ABL2: variants seen among roughly 807,000 people sequenced by gnomAD.
ABL2 encodes the protein ABL proto-oncogene 2, non-receptor tyrosine kinase, also known as tyrosine-protein kinase ABL2.
ABL2 carries 49 observed loss-of-function variants against 107.7 expected under a neutral mutation model. The observed-to-expected ratio is 0.45, with a 90% CI of 0.36 to 0.58. ABL2 has a LOEUF of 0.58. Ranked by LOEUF, ABL2 falls within the 20% of genes least tolerant of loss-of-function variation. The pLI is 0.00. For synonymous variants in ABL2, 549 were observed against 548.6 expected (o/e 1.00, Z -0.01); for missense variants, 1,245 against 1,457.0 (o/e 0.85, Z 2.37).
At chr1:179,110,692 G>A (rs371806969) in intron 10 of ABL2, 31 of 1,588,972 alleles carry the variant, frequency 2.0e-5, no homozygotes, top group African/African-American at 1.9e-4. Context: ...GCATGCCAAC[G>A]TGTGAATATA....
chr1:179,215,222 G>A (rs1247410060), intron 1 of ABL2, among the ~76,000 whole-genome samples: 4 of 151,732 alleles, frequency 2.6e-5, no homozygotes, highest in South Asian at 2.1e-4. Context: ...AACGGCAAGA[G>A]AAGTGTTAAT....
At chr1:179,143,041 C>A in intron 1 of ABL2, 1 of 1,613,940 alleles carries the variant, frequency 6.2e-7, no homozygotes, top group East Asian at 2.2e-5. Flanking sequence ...GTCCCAAGGA[C>A]CATACCTCTG....
intron 1 of ABL2, among the ~76,000 whole-genome samples, chr1:179,217,729 C>A (rs1383016833): frequency 6.6e-6 from 1 of 152,086 alleles, no homozygotes; most frequent in African/African-American, 2.4e-5. Flanking sequence ...TGAGTTCCCA[C>A]CTCTCCTTCA....
chr1:179,229,628 CCCAACGCCGCCGCCGCCGCCGCCG>C lies in ABL2; in HGVS notation c.-255_-232del, dbSNP rs1456530608. 1.0e-5 allele frequency: 5 copies of C among 481,074 alleles called. No individual in the cohort carries two copies. Among genetic ancestry groups the C allele is most frequent in the Admixed American group, 5.1e-5 (1 of 19,574 alleles). 29.8% of individuals were successfully genotyped at this position (481,074 alleles called of 1,614,324 possible). ...CCTCCTCCTGTCGCGGCTCCGCGCC[CCCAACGCCGCCGCCGCCGCCGCCG>C]CCACCGCCGCCGCCATCTTTAAACC... On this transcript the variant is annotated 5_prime_UTR_variant, in exon 1 of 12. Transcript: ENST00000502732.
intron 1 of ABL2, among the ~76,000 whole-genome samples, chr1:179,155,646 G>A (rs964116387): frequency 3.3e-5 from 5 of 151,244 alleles, no homozygotes; most frequent in Non-Finnish European, 4.4e-5. Flanking sequence ...CACAAGAATC[G>A]CTTGAACCTA....
At chr1:179,134,887 G>A (rs560082155) in intron 1 of ABL2, among the ~76,000 whole-genome samples, 5 of 152,330 alleles carry the variant, frequency 3.3e-5, no homozygotes, top group African/African-American at 1.2e-4. Flanking sequence ...GCACCGCCAC[G>A]CCTGACTGGT....
At chr1:179,210,195 G>GA (rs534743848) in intron 1 of ABL2, among the ~76,000 whole-genome samples, 3 of 151,798 alleles carry the variant, frequency 2.0e-5, no homozygotes, top group African/African-American at 2.4e-5. Flanking sequence ...CTTTAAATGA[G>GA]AAAAAAAATG....
chr1:179,194,744 T>G (rs960765996), intron 1 of ABL2, among the ~76,000 whole-genome samples: 1 of 152,100 alleles, frequency 6.6e-6, no homozygotes, highest in Non-Finnish European at 1.5e-5. Context: ...GCTGCTAAAT[T>G]TGGGAATAAC....
At chr1:179,160,800 C>T (rs1271194286) in intron 1 of ABL2, among the ~76,000 whole-genome samples, 2 of 152,034 alleles carry the variant, frequency 1.3e-5, no homozygotes, top group Non-Finnish European at 2.9e-5. Context: ...TTCTGTGTGG[C>T]GAGGCAGTGG....
chr1:179,113,863 G>A (rs1241155688), intron 9 of ABL2, among the ~76,000 whole-genome samples: 1 of 152,120 alleles, frequency 6.6e-6, no homozygotes, highest in Non-Finnish European at 1.5e-5. Context: ...CAACCCGAGA[G>A]GTGGAGCTTG....
chr1:179,132,635 T>G (rs1378766101), intron 2 of ABL2, among the ~76,000 whole-genome samples: 3 of 151,638 alleles, frequency 2.0e-5, no homozygotes, highest in Non-Finnish European at 4.4e-5. Flanking sequence ...CCTCCCGAGT[T>G]CAAGCGTGAT....
At chr1:179,197,944 C>A (rs1009946159) in intron 1 of ABL2, among the ~76,000 whole-genome samples, 2 of 150,946 alleles carry the variant, frequency 1.3e-5, no homozygotes, top group Non-Finnish European at 2.9e-5. Flanking sequence ...GAGGCTGAGG[C>A]GGGCGGATCA....
At chr1:179,162,918 T>C (rs778861292) in intron 1 of ABL2, among the ~76,000 whole-genome samples, 2 of 152,154 alleles carry the variant, frequency 1.3e-5, no homozygotes, top group Non-Finnish European at 2.9e-5. Context: ...TGCAACATTG[T>C]CTTTTTAATA....
At position 179,182,463 on chromosome 1, in the gene ABL2, T is replaced by C. The variant is rs929685834; in HGVS notation, c.157+46778A>G. On this transcript the variant is annotated intron_variant, in intron 1 of 11. Coordinates refer to ENST00000502732, the MANE Select transcript of ABL2 (RefSeq NM_007314.4). The stretch of plus-strand genomic sequence containing the variant: ...TCAAACTCCTAATAGCTTCCTTTCT[T>C]ACTAAGCCAATGACCTGGCTTAGAA... Among the ~76,000 whole-genome samples, 4 of 151,410 alleles carry C rather than the reference T, an allele frequency of 2.6e-5. No homozygotes were observed. The East Asian group carries it at 7.7e-4, about 29-fold the overall frequency.
intron 1 of ABL2, among the ~76,000 whole-genome samples, chr1:179,206,502 A>T (rs943991015): frequency 2.1e-5 from 2 of 95,778 alleles, no homozygotes; most frequent in East Asian, 2.3e-4. Flanking sequence ...GCATCCATTT[A>T]AAAAAAAAAA....
chr1:179,122,625 A>G (rs962654358), intron 4 of ABL2, among the ~76,000 whole-genome samples: 5 of 151,594 alleles, frequency 3.3e-5, no homozygotes, highest in Non-Finnish European at 5.9e-5. Flanking sequence ...TACTCAAATT[A>G]TGTATTTTTT....
chr1:179,136,821 C>T (rs1018911527), intron 1 of ABL2, among the ~76,000 whole-genome samples: 1 of 151,242 alleles, frequency 6.6e-6, no homozygotes, highest in Admixed American at 6.6e-5. Flanking sequence ...GAGGCTGAGG[C>T]ACGAGAATTG....
At chr1:179,184,092 T>C (rs1446440809) in intron 1 of ABL2, 1 of 275,996 alleles carries the variant, frequency 3.6e-6, no homozygotes, top group South Asian at 4.3e-5. Flanking sequence ...GAGGTGAGAA[T>C]TGATCGCCAA....
chr1:179,229,170 G>GCCC, intron 1 of ABL2, 71 bp downstream of exon 1: 4 of 266,256 alleles, frequency 1.5e-5, no homozygotes, highest in Non-Finnish European at 2.7e-5. Flanking sequence ...CAGCCCGTCC[G>GCCC]CCACCCACCC....
Sources: allele counts gnomAD v4.1 joint callset (sites outside exome capture counted in the v4.1 genomes callset), GRCh38; gene constraint gnomAD v4.1.1; transcripts MANE v1.5; gene names NCBI Gene and HGNC (gene_info 2026-07-23, HGNC 2026-07-21).